The following IL1RAPL2 variants were observed in gnomAD, a reference collection of about 807,000 sequenced individuals.
IL1RAPL2 encodes the protein interleukin 1 receptor accessory protein like 2.
In IL1RAPL2, 3 loss-of-function variants were observed where a neutral mutation model predicts 44.1. That is an observed-to-expected ratio of 0.07 (90% CI 0.03 to 0.18). IL1RAPL2 has a LOEUF of 0.18. Among genes scored for constraint, IL1RAPL2 ranks in the 10% least tolerant of loss-of-function variants. IL1RAPL2 has a pLI of 1.00. For missense variants in IL1RAPL2, 391 were observed against 496.4 expected (o/e 0.79, Z 2.02); for synonymous variants, 181 against 178.8 (o/e 1.01, Z -0.10).
At chrX:104,783,885 G>A (rs1424276992) in intron 2 of IL1RAPL2, among the ~76,000 whole-genome samples, 1 of 110,301 alleles carries the variant, frequency 9.1e-6, no homozygotes, top group Non-Finnish European at 1.9e-5. Context: ...GGCAAGGATG[G>A]ACAGTTGTAT....
chrX:105,608,715 T>C (rs1201977087), intron 6 of IL1RAPL2, among the ~76,000 whole-genome samples: 2 of 112,216 alleles, frequency 1.8e-5, no homozygotes, highest in African/African-American at 6.5e-5. Flanking sequence ...TTCACAGATA[T>C]CTGTTGTTTC....
intron 2 of IL1RAPL2, among the ~76,000 whole-genome samples, chrX:104,674,605 G>A (rs1023088068): frequency 5.4e-5 from 6 of 111,109 alleles, no homozygotes; most frequent in Non-Finnish European, 7.5e-5. Flanking sequence ...AATTATGCTG[G>A]CCTCATAAAA....
chrX:105,545,630 C>G (rs960596816), intron 6 of IL1RAPL2, among the ~76,000 whole-genome samples: 1 of 111,785 alleles, frequency 8.9e-6, no homozygotes, highest in East Asian at 2.8e-4. Context: ...GTAATTCTAG[C>G]CTTCATTGTT....
intron 6 of IL1RAPL2, among the ~76,000 whole-genome samples, chrX:105,612,236 G>A (rs1175500777): frequency 2.7e-5 from 3 of 110,559 alleles, no homozygotes; most frequent in African/African-American, 3.3e-5. Flanking sequence ...GCTCTGAGTC[G>A]TTGGGACTAC....
At chrX:104,948,746 C>A (rs1925472022) in intron 2 of IL1RAPL2, among the ~76,000 whole-genome samples, 3 of 109,894 alleles carry the variant, frequency 2.7e-5, no homozygotes, top group African/African-American at 9.8e-5. Context: ...GTTGAACCAG[C>A]CTTGCATCCC....
At chrX:104,925,930 A>G in intron 2 of IL1RAPL2, among the ~76,000 whole-genome samples, 1 of 112,238 alleles carries the variant, frequency 8.9e-6, no homozygotes, top group Non-Finnish European at 1.9e-5. Flanking sequence ...AGATAACATG[A>G]TTCTGTATCT....
intron 2 of IL1RAPL2, among the ~76,000 whole-genome samples, chrX:104,759,980 C>A (rs1200333393): frequency 8.9e-6 from 1 of 111,845 alleles, no homozygotes; most frequent in African/African-American, 3.3e-5. Context: ...CTGGTAACCA[C>A]CTTTCTATGT....
At chrX:105,500,091 A>C (rs927082938) in intron 6 of IL1RAPL2, among the ~76,000 whole-genome samples, 27 of 111,625 alleles carry the variant, frequency 2.4e-4, no homozygotes, top group African/African-American at 8.8e-4. Context: ...AAAGACCTAT[A>C]CTGCATGATT....
chrX:104,589,566 T>C (rs781715783), intron 1 of IL1RAPL2, among the ~76,000 whole-genome samples: 1 of 112,481 alleles, frequency 8.9e-6, no homozygotes, highest in East Asian at 2.8e-4. Flanking sequence ...TGACACTCAG[T>C]ATTAACCATC....
intron 6 of IL1RAPL2, among the ~76,000 whole-genome samples, chrX:105,701,979 A>T (rs185433889): frequency 9.0e-6 from 1 of 111,189 alleles, no homozygotes; most frequent in African/African-American, 3.3e-5. Context: ...AATTAGCAAG[A>T]CCTCCACAAA....
chrX:104,582,822 C>CTTTCTCTTTCTT (rs748809592), intron 1 of IL1RAPL2, among the ~76,000 whole-genome samples: 2,012 of 40,584 alleles, frequency 0.05, 90 homozygotes, highest in East Asian at 0.11. Context: ...TCCTTTCTTT[C>CTTTCTCTTTCTT]TCTTTCTTTC....
intron 2 of IL1RAPL2, among the ~76,000 whole-genome samples, chrX:105,126,071 G>A (rs57684163): frequency 0.065 from 7,217 of 110,588 alleles, 586 homozygotes; most frequent in African/African-American, 0.22. Context: ...TGCTATTTTT[G>A]TAGGTAGTCT....
intron 2 of IL1RAPL2, among the ~76,000 whole-genome samples, chrX:104,892,153 T>G (rs778831612): frequency 1.2e-3 from 131 of 111,674 alleles, no homozygotes; most frequent in African/African-American, 4.0e-3. Context: ...GCCCACTTGA[T>G]CATGGTGGAT....
At chrX:105,414,695 G>A (rs1300554778) in intron 5 of IL1RAPL2, among the ~76,000 whole-genome samples, 1 of 111,495 alleles carries the variant, frequency 9.0e-6, no homozygotes, top group Non-Finnish European at 1.9e-5. Context: ...CTCAGCTCAA[G>A]TGTCACTCAG....
intron 5 of IL1RAPL2, among the ~76,000 whole-genome samples, chrX:105,293,911 T>C (rs1440086591): frequency 1.8e-5 from 2 of 112,296 alleles, no homozygotes; most frequent in African/African-American, 6.5e-5. Flanking sequence ...AACATAGTAA[T>C]TGAATTGTTT....
intron 6 of IL1RAPL2, among the ~76,000 whole-genome samples, chrX:105,686,150 G>T (rs1047267376): frequency 1.9e-4 from 21 of 109,946 alleles, no homozygotes; most frequent in Non-Finnish European, 3.2e-4. Flanking sequence ...ATCAATTAAC[G>T]GGCAAAATAA....
chrX:104,723,906 A>G (rs190565231), intron 2 of IL1RAPL2, among the ~76,000 whole-genome samples: 84 of 111,432 alleles, frequency 7.5e-4, no homozygotes, highest in African/African-American at 2.6e-3. Flanking sequence ...AACCCTTTAT[A>G]AGACAAATTC....
At chrX:104,761,027 G>A (rs147050680) in intron 2 of IL1RAPL2, among the ~76,000 whole-genome samples, 1,497 of 111,304 alleles carry the variant, frequency 0.013, 6 homozygotes, top group Non-Finnish European at 0.021. Flanking sequence ...AGAATTTATC[G>A]AAGAGATTGC....
At chrX:105,618,344 G>A (rs1423761668) in intron 6 of IL1RAPL2, among the ~76,000 whole-genome samples, 6 of 109,968 alleles carry the variant, frequency 5.5e-5, no homozygotes, top group Non-Finnish European at 7.6e-5. Flanking sequence ...TAAAACCTGT[G>A]TGATGAAATA....
Sources: allele counts gnomAD v4.1 joint callset (sites outside exome capture counted in the v4.1 genomes callset), GRCh38; gene constraint gnomAD v4.1.1; transcripts MANE v1.5; gene names NCBI Gene and HGNC (gene_info 2026-07-23, HGNC 2026-07-21).